The following RBFOX1 variants were observed in gnomAD, a reference collection of about 807,000 sequenced individuals.
RBFOX1 encodes RNA binding protein fox-1 homolog 1.
In RBFOX1, 8 loss-of-function variants were observed where a neutral mutation model predicts 57.7. That is an observed-to-expected ratio of 0.14 (90% CI 0.08 to 0.25). RBFOX1 has a LOEUF of 0.25. Among genes scored for constraint, RBFOX1 ranks in the 10% least tolerant of loss-of-function variants. The pLI, the probability that RBFOX1 is intolerant of heterozygous loss-of-function variation, is 1.00. For synonymous variants in RBFOX1, 326 were observed against 222.4 expected (o/e 1.47, Z -4.15); for missense variants, 611 against 548.5 (o/e 1.11, Z -1.14).
intron 1 of RBFOX1, among the ~76,000 whole-genome samples, chr16:6,255,995 C>G (rs1483304039): frequency 6.6e-6 from 1 of 150,576 alleles, no homozygotes; most frequent in East Asian, 2.0e-4. Context: ...CACCATGGCA[C>G]ATGTATATCT....
intron 5 of RBFOX1, among the ~76,000 whole-genome samples, chr16:7,538,352 A>C (rs1272535390): frequency 6.6e-6 from 1 of 152,112 alleles, no homozygotes; most frequent in Non-Finnish European, 1.5e-5. Context: ...CTATTATGCT[A>C]CTTTTCCTAT....
At chr16:5,545,711 T>G (rs1348650758) in intron 2 of RBFOX1, among the ~76,000 whole-genome samples, 1 of 152,100 alleles carries the variant, frequency 6.6e-6, no homozygotes, top group East Asian at 1.9e-4. Context: ...TTTGATAAAA[T>G]ATGTCTATGA....
At chr16:6,070,806 C>A (rs888941457) in intron 1 of RBFOX1, among the ~76,000 whole-genome samples, 1 of 151,644 alleles carries the variant, frequency 6.6e-6, no homozygotes. Flanking sequence ...AAATTATACA[C>A]ACACACGCTC....
At chr16:5,853,254 C>T (rs543924212) in intron 3 of RBFOX1, among the ~76,000 whole-genome samples, 2 of 152,036 alleles carry the variant, frequency 1.3e-5, no homozygotes, top group Admixed American at 6.5e-5. Context: ...GAACAGCTCC[C>T]GGGTCTTCCA....
chr16:6,047,342 A>C (rs2095505583), intron 1 of RBFOX1, among the ~76,000 whole-genome samples: 1 of 152,236 alleles, frequency 6.6e-6, no homozygotes, highest in Non-Finnish European at 1.5e-5. Flanking sequence ...GCCGTGCATG[A>C]GGAAGGTGAT....
intron 3 of RBFOX1, among the ~76,000 whole-genome samples, chr16:6,668,314 A>G (rs2098745020): frequency 6.6e-6 from 1 of 152,194 alleles, no homozygotes; most frequent in African/African-American, 2.4e-5. Context: ...ATGCCTGCCA[A>G]GGGTGGAGGA....
intron 1 of RBFOX1, among the ~76,000 whole-genome samples, chr16:5,252,338 A>G (rs542571559): frequency 4.6e-5 from 7 of 152,210 alleles, no homozygotes; most frequent in Non-Finnish European, 1.0e-4. Context: ...TTGGGGGGCA[A>G]GTATATCCCA....
intron 3 of RBFOX1, among the ~76,000 whole-genome samples, chr16:6,893,732 C>G (rs1211251196): frequency 1.3e-5 from 2 of 152,184 alleles, no homozygotes; most frequent in African/African-American, 4.8e-5. Flanking sequence ...GATGAATTTT[C>G]ATTTGCATTT....
chr16:5,722,751 C>A (rs1270871557), intron 3 of RBFOX1, among the ~76,000 whole-genome samples: 1 of 152,170 alleles, frequency 6.6e-6, no homozygotes, highest in Non-Finnish European at 1.5e-5. Flanking sequence ...TTGTAATATT[C>A]CCTGCCTGGC....
chr16:7,354,038 C>G (rs536491193), intron 4 of RBFOX1, among the ~76,000 whole-genome samples: 15 of 152,230 alleles, frequency 9.9e-5, no homozygotes, highest in East Asian at 5.8e-4. Flanking sequence ...GTGGCATGAT[C>G]TGGGCTCGCT....
chr16:5,925,659 TACC>T (rs1449593880), intron 4 of RBFOX1, among the ~76,000 whole-genome samples: 2 of 151,408 alleles, frequency 1.3e-5, no homozygotes, highest in African/African-American at 2.4e-5. Flanking sequence ...ATGTGTATTT[TACC>T]ACAAATATAC....
chr16:6,568,773 T>A (rs374821501), intron 2 of RBFOX1, among the ~76,000 whole-genome samples: 1 of 152,114 alleles, frequency 6.6e-6, no homozygotes, highest in African/African-American at 2.4e-5. Context: ...ATAACTCTTT[T>A]TTTTATTATT....
chr16:7,610,139 T>TTTTTTTTTTTTTTTTTG (rs2057174916), intron 10 of RBFOX1, among the ~76,000 whole-genome samples: 5 of 127,718 alleles, frequency 3.9e-5, no homozygotes, highest in East Asian at 2.3e-4. Flanking sequence ...TTTTTTTTTT[T>TTTTTTTTTTTTTTTTTG]GAGGCAGTTT....
chr16:6,370,086 C>CGGT (rs2090201166), intron 2 of RBFOX1, among the ~76,000 whole-genome samples: 1 of 152,038 alleles, frequency 6.6e-6, no homozygotes. Flanking sequence ...GGGCCGGGTG[C>CGGT]GGTGGCTTAT....
chr16:6,486,411 AGAT>A (rs2095483122), intron 2 of RBFOX1, among the ~76,000 whole-genome samples: 1 of 152,094 alleles, frequency 6.6e-6, no homozygotes, highest in African/African-American at 2.4e-5. Context: ...AAGAGGAAGA[AGAT>A]ATCTGAACTA....
At chr16:7,232,242 A>G (rs1348807573) in intron 4 of RBFOX1, among the ~76,000 whole-genome samples, 1 of 152,030 alleles carries the variant, frequency 6.6e-6, no homozygotes, top group Non-Finnish European at 1.5e-5. Flanking sequence ...CAGGCTGGTC[A>G]TGAACTCCTG....
At chr16:5,811,537 G>A (rs1404111266) in intron 3 of RBFOX1, among the ~76,000 whole-genome samples, 6 of 151,258 alleles carry the variant, frequency 4.0e-5, no homozygotes, top group Non-Finnish European at 7.4e-5. Context: ...CGCAACCTCT[G>A]CCTTCCAGGT....
intron 13 of RBFOX1, among the ~76,000 whole-genome samples, chr16:7,671,835 T>TTCCATGACTGAGTGCTGTTAGCTGGCC (rs1482364858): frequency 6.6e-6 from 1 of 152,218 alleles, no homozygotes; most frequent in East Asian, 1.9e-4. Context: ...TGGGTGCTGT[T>TTCCATGACTGAGTGCTGTTAGCTGGCC]TCCATGACTG....
At chr16:5,957,207 T>C (rs192227786) in intron 4 of RBFOX1, among the ~76,000 whole-genome samples, 3 of 152,130 alleles carry the variant, frequency 2.0e-5, no homozygotes, top group African/African-American at 7.2e-5. Context: ...ACAATTTATT[T>C]TTTTTCTTTT....
Sources: allele counts gnomAD v4.1 joint callset (sites outside exome capture counted in the v4.1 genomes callset), GRCh38; gene constraint gnomAD v4.1.1; transcripts MANE v1.5; gene names NCBI Gene and HGNC (gene_info 2026-07-23, HGNC 2026-07-21).